C6orf141: variants seen among roughly 807,000 people sequenced by gnomAD.
C6orf141 encodes chromosome 6 open reading frame 141.
For missense variants in C6orf141, 361 were observed against 335.8 expected, an observed-to-expected ratio of 1.07 and a Z score of -0.59; for synonymous variants, 164 against 140.5, an observed-to-expected ratio of 1.17 and a Z score of -1.18.
downstream of C6orf141, among the ~76,000 whole-genome samples, chr6:49,556,914 C>A (rs1475133592): frequency 6.6e-6 from 1 of 152,208 alleles, no homozygotes; most frequent in Non-Finnish European, 1.5e-5. Flanking sequence ...TGGTTATCTT[C>A]AAAGCAAGGA....
At chr6:49,558,308 T>C (rs2127309242) in intron 4 of C6orf141, among the ~76,000 whole-genome samples, 1 of 151,958 alleles carries the variant, frequency 6.6e-6, no homozygotes, top group Admixed American at 6.6e-5. Flanking sequence ...TATGTTCTGC[T>C]TGGAGCCTAT....
chr6:49,558,869 G>A (rs1453195975), intron 4 of C6orf141, among the ~76,000 whole-genome samples: 1 of 151,492 alleles, frequency 6.6e-6, no homozygotes, highest in Non-Finnish European at 1.5e-5. Flanking sequence ...CACCATGCCT[G>A]GCTAATTTTT....
chr6:49,561,200 C>T (rs1361385684), intron 4 of C6orf141, among the ~76,000 whole-genome samples: 3 of 151,578 alleles, frequency 2.0e-5, no homozygotes, highest in Non-Finnish European at 4.4e-5. Flanking sequence ...TGGGTTCAAG[C>T]GATTCTCGTG....
intron 4 of C6orf141, among the ~76,000 whole-genome samples, chr6:49,561,550 C>T (rs1175329476): frequency 6.6e-6 from 1 of 152,102 alleles, no homozygotes; most frequent in African/African-American, 2.4e-5. Context: ...TCTATCCTGC[C>T]ATTATATATG....
intron 4 of C6orf141, among the ~76,000 whole-genome samples, chr6:49,558,057 A>ATGTTTTTTTTTTGTTTGTT (rs1561996115): frequency 4.6e-5 from 4 of 86,390 alleles, no homozygotes; most frequent in Admixed American, 1.4e-4. Flanking sequence ...ACACTCAAAT[A>ATGTTTTTTTTTTGTTTGTT]TGTTTTTTTT....
Position 49,551,713 on chromosome 6 carries a change from T to A in C6orf141, c.*186T>A, listed in dbSNP as rs1770659970. 1 of 1,432,994 alleles carries A rather than the reference T, an allele frequency of 7.0e-7. No individual in the cohort carries two copies. Among genetic ancestry groups the A allele is most frequent in the Admixed American group, 3.0e-5 (1 of 32,976 alleles). The allele number at this position is 1,432,994 out of a possible 1,614,324, so 88.8% of individuals were successfully genotyped here. On this transcript the variant is annotated 3_prime_UTR_variant, in exon 1 of 1. Coordinates refer to ENST00000529246, the MANE Select transcript of C6orf141 (RefSeq NM_001145652.2). ...ATACCTCCTTTGTGGCTTGAATTCC[T>A]TCGCTGTCTGGGGACCTAAGTCATT...
intron 4 of C6orf141, among the ~76,000 whole-genome samples, chr6:49,558,326 G>C (rs1234787619): frequency 2.0e-5 from 3 of 151,742 alleles, no homozygotes; most frequent in East Asian, 1.9e-4. Flanking sequence ...TATTGGCATG[G>C]GGGGAGCTGG....
downstream of C6orf141, among the ~76,000 whole-genome samples, chr6:49,556,681 T>G (rs1036201902): frequency 6.6e-6 from 1 of 152,202 alleles, no homozygotes; most frequent in Non-Finnish European, 1.5e-5. Flanking sequence ...AGCCAGAATT[T>G]GAATCAACTG....
rs774510656 is a variant in C6orf141, at chr6:49,551,432, G to A, written c.640G>A (p.Ala214Thr). 5 of 1,551,496 alleles carry A rather than the reference G, an allele frequency of 3.2e-6. No individual in the cohort carries two copies. The African/African-American group carries it at 4.1e-5, about 13-fold the overall frequency. Residue 214 changes from alanine (A) to threonine (T), a missense_variant, in exon 1 of 1, where the codon GCT (alanine) becomes ACT (threonine). Physicochemically the swap from Ala to Thr is moderately conservative, Grantham distance 58. Transcript: ENST00000529246. ...ACGCTGGGGCCCTGCTGAATCCCGG[G>A]CTCTCCAGGCACGAACAGGGGCATC... ...GERWGPAESR[A>T]LQARTGASRV...
chr6:49,557,546 A>G (rs1772193482), intron 4 of C6orf141, among the ~76,000 whole-genome samples: 1 of 152,190 alleles, frequency 6.6e-6, no homozygotes, highest in African/African-American at 2.4e-5. Context: ...AAGACTTTGA[A>G]TGGTAAATTA....
exon 5 of C6orf141, chr6:49,561,811 A>C (rs866900295): frequency 6.6e-6 from 1 of 152,000 alleles, no homozygotes; most frequent in South Asian, 2.1e-4. Context: ...CAGCCTCCCA[A>C]GTAGCTGGAA....
downstream of C6orf141, chr6:49,554,782 C>T (rs150614236): frequency 6.6e-5 from 10 of 152,198 alleles, no homozygotes; most frequent in African/African-American, 2.2e-4. Context: ...CTATTAACTG[C>T]CTAGAACATG....
Position 49,550,829 on chromosome 6 carries a change from C to A in C6orf141, c.37C>A (p.Pro13Thr). ...TTTTGCCAGGATGGAGACCCGGGGG[C>A]CTCAGGGAGCTGCGAATCCCATGGA... The part of the protein sequence containing the change: ...DPFARMETRG[P>T]QGAANPMDSS... The change falls in exon 1 of 1, where the codon CCT becomes ACT. Residue 13 changes from proline (P) to threonine (T), a missense_variant. Transcript: ENST00000529246. The A allele has an allele frequency of 6.8e-7, 1 of 1,478,506 alleles. No individual in the cohort carries two copies. Among genetic ancestry groups the A allele is most frequent in the Non-Finnish European group, 8.9e-7 (1 of 1,117,844 alleles). 91.6% of individuals were successfully genotyped at this position (1,478,506 alleles called of 1,614,324 possible).
At position 49,551,408 on chromosome 6, in the gene C6orf141, C is replaced by T; in HGVS notation, c.616C>T (p.Arg206Cys). 4.5e-6 allele frequency: 7 copies of T among 1,551,652 alleles called. No homozygotes were observed. Among genetic ancestry groups the T allele is most frequent in the East Asian group, 2.4e-5 (1 of 40,892 alleles). Reference protein sequence around the residue: ...RSSREGQPGERWGPAESRALQ... With the variant: ...RSSREGQPGECWGPAESRALQ... ...CAGTAGAGAGGGACAGCCTGGGGAACGCTGGGGCCCTGCTGAATCCCGGGC... is the reference window on the plus strand; with the variant it reads ...CAGTAGAGAGGGACAGCCTGGGGAATGCTGGGGCCCTGCTGAATCCCGGGC... Residue 206 changes from arginine to cysteine, a missense_variant, in exon 1 of 1, where the codon CGC (arginine) becomes TGC (cysteine). By Grantham distance (180) the Arg-to-Cys change is radical (BLOSUM62 -3). Coordinates refer to ENST00000529246, the MANE Select transcript of C6orf141 (RefSeq NM_001145652.2).
chr6:49,551,459 C>G lies in C6orf141; in HGVS notation c.667C>G (p.Arg223Gly), dbSNP rs1326802003. ...RALQARTGAS[R>G]VHAAGRRVSP... ...TCTCCAGGCACGAACAGGGGCATCC[C>G]GCGTCCACGCCGCGGGGAGGAGGGT... The change falls in exon 1 of 1, where the codon CGC becomes GGC. Residue 223 changes from arginine to glycine, a missense_variant. Coordinates refer to ENST00000529246, the MANE Select transcript of C6orf141 (RefSeq NM_001145652.2). The G allele has an allele frequency of 6.4e-7, 1 of 1,551,478 alleles. No individual in the cohort carries two copies. Among genetic ancestry groups the G allele is most frequent in the Admixed American group, 2.0e-5 (1 of 51,000 alleles).
chr6:49,556,835 G>A (rs1256291090), downstream of C6orf141, among the ~76,000 whole-genome samples: 1 of 152,214 alleles, frequency 6.6e-6, no homozygotes, highest in Admixed American at 6.5e-5. Flanking sequence ...TTACTTTGGA[G>A]AGAGTAAGGA....
chr6:49,554,767 C>A (rs570298890), downstream of C6orf141: 1 of 152,128 alleles, frequency 6.6e-6, no homozygotes, highest in African/African-American at 2.4e-5. Context: ...GCTTACTCAA[C>A]TTCCCTATTA....
rs1471068991 is a variant in C6orf141, at chr6:49,551,863, C to A, written c.*336C>A. On this transcript the variant is annotated 3_prime_UTR_variant, in exon 1 of 1. Transcript: ENST00000529246. The stretch of plus-strand genomic sequence containing the variant: ...TGATCTCTTTTCTGTTCCCCGCCCC[C>A]CTCTTGTTTCTCTTTAGGACCTAGA... 6 of 1,150,604 alleles carry A rather than the reference C, an allele frequency of 5.2e-6. No individual in the cohort carries two copies. The highest frequency in any genetic ancestry group is 6.5e-6 in the Non-Finnish European group (6 of 923,404). The allele number at this position is 1,150,604 out of a possible 1,614,324, so 71.3% of individuals were successfully genotyped here.
downstream of C6orf141, among the ~76,000 whole-genome samples, chr6:49,554,677 C>T (rs576904450): frequency 8.5e-5 from 13 of 152,132 alleles, no homozygotes; most frequent in Middle Eastern, 3.4e-3. Flanking sequence ...CCACCATGCC[C>T]GGCCTGTTTG....
Sources: gnomAD v4.1 joint callset for allele counts (sites outside exome capture counted in the v4.1 genomes callset) on GRCh38, gnomAD v4.1.1 for gene constraint, MANE v1.5 for transcripts, NCBI Gene and HGNC (gene_info 2026-07-23, HGNC 2026-07-21) for gene names.